Variants in SH3BP1 observed in about 807,000 individuals in gnomAD.
SH3BP1 encodes the protein SH3 domain-binding protein 1.
Under a neutral mutation model 69.8 loss-of-function variants are expected in SH3BP1, and 46 were observed. The observed-to-expected ratio is 0.66, with a 90% confidence interval of 0.52 to 0.84. The LOEUF is 0.84. Among genes scored for constraint, SH3BP1 ranks in the 40% least tolerant of loss-of-function variants. SH3BP1 has a pLI of 0.00. For missense variants in SH3BP1, 868 were observed against 930.9 expected (o/e 0.93, Z 0.88); for synonymous variants, 403 against 378.0 (o/e 1.07, Z -0.77).
intron 14 of SH3BP1, chr22:37,649,843 T>C (rs1932845336): frequency 8.3e-6 from 4 of 481,884 alleles, no homozygotes; most frequent in Non-Finnish European, 1.5e-5. Context: ...TGAGGAGTCA[T>C]CATTATTTAC....
chr22:37,655,080 G>A (rs2146078399), intron 17 of SH3BP1, among the ~76,000 whole-genome samples, 192 bp from the exon 18 acceptor site: 1 of 152,290 alleles, frequency 6.6e-6, no homozygotes, highest in Admixed American at 6.5e-5. Flanking sequence ...TCTAACTAGG[G>A]TGCTCGGGGA....
rs1932768484 is a variant in SH3BP1, at chr22:37,645,469, G to T, written c.883G>T (p.Ala295Ser). 2 of 1,613,608 alleles carry T rather than the reference G, an allele frequency of 1.2e-6. No homozygotes were observed. Among genetic ancestry groups the T allele is most frequent in the Non-Finnish European group, 1.7e-6 (2 of 1,179,716 alleles). ...CCGGGAGATTGCCCTGCCCATCGAG[G>T]CCTGCGTCATGATGCTGCTTTCTGA... ...LGREIALPIE[A>S]CVMMLLSEGM... The change falls in exon 10 of 18, where the codon GCC becomes TCC. Residue 295 changes from alanine (A) to serine (S), a missense_variant. Transcript: ENST00000649765.
intron 13 of SH3BP1, 147 bp downstream of exon 13, chr22:37,647,668 A>C: frequency 4.5e-6 from 2 of 447,788 alleles, no homozygotes; most frequent in East Asian, 7.1e-5. Flanking sequence ...TTAGTCATTT[A>C]TATATATAAT....
At chr22:37,647,116 C>A in intron 11 of SH3BP1, 151 bp from the exon 12 acceptor site, 1 of 809,110 alleles carries the variant, frequency 1.2e-6, no homozygotes, top group Non-Finnish European at 2.0e-6. Flanking sequence ...GACAAGATGG[C>A]TAGCCTTCAT....
In SH3BP1 at chr22:37,647,438, C is replaced by A. The variant is rs372085876; in HGVS notation, c.1119-3C>A. The A allele has an allele frequency of 2.8e-5, 45 of 1,612,172 alleles. No individual in the cohort carries two copies. The highest frequency in any genetic ancestry group is 1.3e-4 in the Admixed American group (8 of 59,932). ...GCTGACAGGTCTCTCCACTCCCCCC[C>A]AGCCTGAAGGAGCCAGGGGCCCGGC... On this transcript the variant is annotated splice_polypyrimidine_tract_variant and splice_region_variant and intron_variant, in intron 12 of 17. Transcript: ENST00000649765.
Position 37,653,784 on chromosome 22 carries a change from A to G in SH3BP1, c.1604A>G (p.Glu535Gly). The change falls in exon 17 of 18, where the codon GAG becomes GGG. Residue 535 changes from glutamate (E) to glycine (G), a missense_variant. Glu to Gly is a moderately conservative substitution (Grantham distance 98). Transcript: ENST00000649765. ...TCCTCTCCTTCCCTCTGCAGGACAG[A>G]GTCTGAGGTGCCTCCCAGACCAGCC... ...LASAATKERT[E>G]SEVPPRPASP... 1 of 1,611,648 alleles carries G rather than the reference A, an allele frequency of 6.2e-7. No individual in the cohort carries two copies. The highest frequency in any genetic ancestry group is 8.5e-7 in the Non-Finnish European group (1 of 1,178,114).
At chr22:37,646,543 A>G (rs1438299879) in intron 10 of SH3BP1, among the ~76,000 whole-genome samples, 1 of 152,228 alleles carries the variant, frequency 6.6e-6, no homozygotes, top group African/African-American at 2.4e-5. Context: ...GGCGTGAGCC[A>G]CTGCACCCGG....
At chr22:37,647,914 G>A (rs1483263657) in intron 13 of SH3BP1, among the ~76,000 whole-genome samples, 1 of 152,188 alleles carries the variant, frequency 6.6e-6, no homozygotes, top group Non-Finnish European at 1.5e-5. Context: ...GACCTCAGGT[G>A]ATCCACCCGC....
chr22:37,641,740 G>C, intron 3 of SH3BP1: 1 of 437,006 alleles, frequency 2.3e-6, no homozygotes, highest in South Asian at 3.5e-5. Flanking sequence ...TGTCCAATCA[G>C]TGCGCAAGAG....
chr22:37,650,636 C>T lies in SH3BP1; in HGVS notation c.1509C>T (p.Ala503=), dbSNP rs1398736862. The change falls in exon 16 of 18, where the codon GCC becomes GCT. Residue 503 remains alanine (A), a synonymous_variant. Coordinates refer to ENST00000649765, the MANE Select transcript of SH3BP1 (RefSeq NM_018957.6). ...RLASEELPST[A]VPTPATTPAP... is the part of the protein sequence containing the mutation. ...CCTCTGAGGAACTTCCGTCCACTGC[C>T]GTGCCCACCCCAGCCACCACCCCGG... 8 of 1,613,994 alleles carry T rather than the reference C, an allele frequency of 5.0e-6. 1 individual carries two copies. The highest frequency in any genetic ancestry group is 3.3e-4 in the Middle Eastern group (2 of 6,062).
chr22:37,655,217 T>A, intron 17 of SH3BP1, 55 bp from the exon 18 acceptor site: 1 of 1,333,082 alleles, frequency 7.5e-7, no homozygotes, highest in Non-Finnish European at 1.0e-6. Context: ...GCTTGGTGGA[T>A]TCACCACAGG....
intron 17 of SH3BP1, among the ~76,000 whole-genome samples, chr22:37,654,578 A>T (rs1045894330): frequency 9.2e-5 from 14 of 152,050 alleles, no homozygotes; most frequent in African/African-American, 3.1e-4. Context: ...TCTCAAAAAA[A>T]AAAAAAGAAA....
intron 17 of SH3BP1, 60 bp downstream of exon 17, chr22:37,653,933 A>G (rs1196298946): frequency 2.5e-6 from 3 of 1,201,722 alleles, no homozygotes; most frequent in Admixed American, 3.9e-5. Flanking sequence ...GGGGACAGGC[A>G]GTCCCAGGTC....
At chr22:37,640,863 C>T (rs1601579349) in intron 1 of SH3BP1, 1 of 521,318 alleles carries the variant, frequency 1.9e-6, no homozygotes, top group East Asian at 3.4e-5. Flanking sequence ...CTCAGCCTCC[C>T]CTTTAGTTTC....
At chr22:37,650,802 G>T in intron 16 of SH3BP1, 77 bp downstream of exon 16, 1 of 1,488,000 alleles carries the variant, frequency 6.7e-7, no homozygotes, top group South Asian at 1.4e-5. Flanking sequence ...TCTCAGAGCT[G>T]GAAGCTGAAT....
intron 17 of SH3BP1, among the ~76,000 whole-genome samples, chr22:37,654,290 G>A (rs1272409554): frequency 2.0e-5 from 3 of 152,162 alleles, no homozygotes; most frequent in Non-Finnish European, 4.4e-5. Context: ...CAGTGAAGGG[G>A]CTGGGCACAG....
At position 37,643,665 on chromosome 22, in the gene SH3BP1, T is replaced by C. The variant is rs1175461502; in HGVS notation, c.495T>C (p.Asn165=). ...CCAGGCTCAGTCAGGCAACCAAGAA[T>C]TCAGGCAGCAGTCAAGGCCTAGGAG... is the stretch of plus-strand genomic sequence containing the variant. ...LKSRLSQATK[N]SGSSQGLGGS... is the part of the protein sequence containing the mutation. The change falls in exon 7 of 18, where the codon AAT becomes AAC. Residue 165 remains asparagine (N), a synonymous_variant. Coordinates refer to ENST00000649765, the MANE Select transcript of SH3BP1 (RefSeq NM_018957.6). The C allele has an allele frequency of 6.2e-6, 10 of 1,613,972 alleles. No homozygotes were observed. The highest frequency in any genetic ancestry group is 1.3e-5 in the African/African-American group (1 of 74,922).
Position 37,650,579 on chromosome 22 carries a change from T to C in SH3BP1, c.1452T>C (p.Val484=). 1 of 1,613,868 alleles carries C rather than the reference T, an allele frequency of 6.2e-7. No individual in the cohort carries two copies. ...ACGTGTCAGGCCTCTTCTCAGCTGT[T>C]ACCCTCCAGGACACAGTCAGTGACA... ...NFNVSGLFSA[V]TLQDTVSDRL... The change falls in exon 16 of 18, where the codon GTT becomes GTC. Residue 484 remains valine (V), a synonymous_variant. Transcript: ENST00000649765.
At chr22:37,642,767 T>C in intron 4 of SH3BP1, 128 bp from the exon 5 acceptor site, 1 of 1,595,558 alleles carries the variant, frequency 6.3e-7, no homozygotes. Context: ...CCTGGGAGGG[T>C]GTTCAGCTTA....
Sources: gnomAD v4.1 joint callset for allele counts (sites outside exome capture counted in the v4.1 genomes callset) on GRCh38, gnomAD v4.1.1 for gene constraint, MANE v1.5 for transcripts, NCBI Gene and HGNC (gene_info 2026-07-23, HGNC 2026-07-21) for gene names.